The following SH3BP5 variants were observed in gnomAD, a reference collection of about 807,000 sequenced individuals.
SH3BP5 encodes SH3 domain-binding protein 5.
SH3BP5 carries 22 observed loss-of-function variants against 43.3 expected under a neutral mutation model. The ratio of observed to expected loss-of-function variants is 0.51; its 90% confidence interval spans 0.36 to 0.73. SH3BP5 has a LOEUF of 0.73. SH3BP5 is among the 30% of genes least tolerant of loss of function. The pLI is 0.00. For missense variants in SH3BP5, 529 were observed against 586.9 expected, an observed-to-expected ratio of 0.90 and a Z score of 1.02; for synonymous variants, 255 against 225.8, an observed-to-expected ratio of 1.13 and a Z score of -1.16.
intron 2 of SH3BP5, among the ~76,000 whole-genome samples, chr3:15,322,212 AAT>A (rs1698345890): frequency 2.0e-5 from 3 of 152,136 alleles, no homozygotes; most frequent in African/African-American, 7.2e-5. Flanking sequence ...CAAAAAAAAA[AAT>A]AATAACTATG....
At chr3:15,313,353 A>G (rs542606607) in intron 2 of SH3BP5, among the ~76,000 whole-genome samples, 3 of 152,360 alleles carry the variant, frequency 2.0e-5, no homozygotes, top group Admixed American at 6.5e-5. Context: ...TGATGGCGGC[A>G]GCAGCAGAAT....
chr3:15,296,368 A>C (rs1043828385), intron 3 of SH3BP5, among the ~76,000 whole-genome samples: 27 of 150,486 alleles, frequency 1.8e-4, no homozygotes, highest in East Asian at 1.2e-3. Flanking sequence ...ACACACACAC[A>C]CCCCTATCCA....
chr3:15,264,642 G>GAC (rs1438050547), intron 4 of SH3BP5: 1 of 152,126 alleles, frequency 6.6e-6, no homozygotes, highest in Non-Finnish European at 1.5e-5. Flanking sequence ...GGCACGAGGA[G>GAC]ACATGCTTGC....
chr3:15,341,001 G>A (rs375875381), intron 1 of SH3BP5, among the ~76,000 whole-genome samples: 4 of 152,216 alleles, frequency 2.6e-5, no homozygotes, highest in South Asian at 4.1e-4. Context: ...GTGATGAGCC[G>A]AGAGCACACC....
At chr3:15,267,298 A>G (rs958455268) in intron 4 of SH3BP5, among the ~76,000 whole-genome samples, 5 of 152,262 alleles carry the variant, frequency 3.3e-5, no homozygotes, top group Non-Finnish European at 7.3e-5. Context: ...TATGTTCTGC[A>G]TCATCCATTA....
intron 4 of SH3BP5, among the ~76,000 whole-genome samples, chr3:15,266,058 T>A (rs1249960639): frequency 6.6e-6 from 1 of 152,072 alleles, no homozygotes. Flanking sequence ...CTCTCCAATC[T>A]CCAGGGCCTT....
intron 3 of SH3BP5, among the ~76,000 whole-genome samples, chr3:15,290,213 C>T (rs1473723225): frequency 6.6e-6 from 1 of 151,698 alleles, no homozygotes; most frequent in Non-Finnish European, 1.5e-5. Context: ...GCCAACATGA[C>T]AAAACCCCGT....
intron 2 of SH3BP5, 58 bp downstream of exon 2, chr3:15,330,446 C>G: frequency 7.0e-7 from 1 of 1,427,946 alleles, no homozygotes; most frequent in Non-Finnish European, 9.9e-7. Context: ...AATTAACCAG[C>G]CTTGTGCCGG....
chr3:15,277,388 C>T (rs1446326647), intron 3 of SH3BP5, among the ~76,000 whole-genome samples: 1 of 152,174 alleles, frequency 6.6e-6, no homozygotes, highest in Non-Finnish European at 1.5e-5. Context: ...CAGTGGCCAC[C>T]GTCACACAGG....
chr3:15,272,559 A>AGATTCGATGATACCTCAGATCAAAT (rs1559432626), intron 3 of SH3BP5, among the ~76,000 whole-genome samples: 5 of 100,950 alleles, frequency 5.0e-5, no homozygotes, highest in African/African-American at 2.0e-4. Flanking sequence ...TGCCTGTAGG[A>AGATTCGATGATACCTCAGATCAAAT]TAAAGACATT....
At chr3:15,308,342 T>C (rs901808819) in intron 2 of SH3BP5, among the ~76,000 whole-genome samples, 2 of 152,350 alleles carry the variant, frequency 1.3e-5, no homozygotes, top group African/African-American at 4.8e-5. Flanking sequence ...GTAGGTGCTA[T>C]TGTTGTTATT....
At chr3:15,280,160 G>A (rs1211220864) in intron 3 of SH3BP5, among the ~76,000 whole-genome samples, 5 of 152,056 alleles carry the variant, frequency 3.3e-5, no homozygotes, top group East Asian at 3.9e-4. Context: ...GCAGGCCTCC[G>A]GGAACGACGC....
At position 15,322,948 on chromosome 3, in the gene SH3BP5, G is replaced by T. The variant is rs568250470; in HGVS notation, c.201+7556C>A. 7.4e-4 allele frequency among the ~76,000 whole-genome samples: 113 copies of T among 151,926 alleles called. 1 individual carries two copies. The South Asian group carries it at 8.5e-3, about 11-fold the overall frequency. On this transcript the variant is annotated intron_variant, in intron 2 of 8. Transcript: ENST00000383791. ...TTTGAGGTCAGGAGTTGACCAGCCT[G>T]ACCAACATGGCAAAACCCGGTCTCT...
At position 15,282,255 on chromosome 3, in the gene SH3BP5, T is replaced by C. The variant is rs181627047; in HGVS notation, c.331-12378A>G. 2.8e-3 allele frequency among the ~76,000 whole-genome samples: 422 copies of C among 152,322 alleles called. 4 individuals carry two copies. The highest frequency in any genetic ancestry group is 6.8e-3 in the Middle Eastern group (2 of 294). ...CCTCAGTTACAGTACTGAAAATACA[T>C]AATTATACATAATTACAGCAGGGAC... On this transcript the variant is annotated intron_variant, in intron 3 of 8. Transcript: ENST00000383791.
rs190346530 is a variant in SH3BP5 at position 15,290,483 on chromosome 3, G to A, written c.330+13620C>T. ...GGAGGTTGCAGTGAGCCGAGATTGCGCCACTGCACTACAGCCTGGGCAACA... is the reference window on the plus strand; with the variant it reads ...GGAGGTTGCAGTGAGCCGAGATTGCACCACTGCACTACAGCCTGGGCAACA... On this transcript the variant is annotated intron_variant, in intron 3 of 8. Coordinates refer to ENST00000383791, the MANE Select transcript of SH3BP5 (RefSeq NM_004844.5). Among the ~76,000 whole-genome samples the A allele has an allele frequency of 4.4e-3, 601 of 137,130 alleles. 5 individuals carry two copies. The highest frequency in any genetic ancestry group is 0.011 in the South Asian group (47 of 4,422). The allele number at this position is 137,130 out of a possible 152,430, so 90.0% of individuals were successfully genotyped here. A position where few individuals can be genotyped will look rare whatever the true frequency, so the allele number is the denominator to read the frequency against.
rs1318765546 is a variant in SH3BP5, at chr3:15,265,512, T to TCTCACTCACACA, written c.496-3224_496-3223insTGTGTGAGTGAG. Reference sequence around the variant, plus strand: ...GCCTGAGCTACAGGGCGAGACTCCGTCACACACACACACACACACACACAC... The same window carrying TCTCACTCACACA: ...GCCTGAGCTACAGGGCGAGACTCCGTCTCACTCACACACACACACACACACACACACACACAC... On this transcript the variant is annotated intron_variant, in intron 4 of 8. Coordinates refer to ENST00000383791, the MANE Select transcript of SH3BP5 (RefSeq NM_004844.5). Among the ~76,000 whole-genome samples, 137 of 107,988 alleles carry TCTCACTCACACA rather than the reference T, an allele frequency of 1.3e-3. 3 individuals carry two copies. The highest frequency in any genetic ancestry group is 5.0e-3 in the African/African-American group (120 of 24,118). 70.8% of individuals were successfully genotyped at this position (107,988 alleles called of 152,430 possible).
intron 6 of SH3BP5, chr3:15,259,269 TC>T: frequency 1.7e-6 from 1 of 595,280 alleles, no homozygotes; most frequent in South Asian, 2.0e-5. Flanking sequence ...ACCTCTAATA[TC>T]CAAAAACTCT....
At chr3:15,258,588 A>C (rs547593296) in intron 7 of SH3BP5, 100 of 544,686 alleles carry the variant, frequency 1.8e-4, no homozygotes, top group African/African-American at 1.8e-3. Context: ...TTTGACTCTC[A>C]AAGAGGAGTG....
At chr3:15,314,302 C>A (rs1698132302) in intron 2 of SH3BP5, among the ~76,000 whole-genome samples, 1 of 151,786 alleles carries the variant, frequency 6.6e-6, no homozygotes, top group South Asian at 2.1e-4. Context: ...ACAGGCCTAG[C>A]CCTAGATCCT....
Sources: gnomAD v4.1 joint callset for allele counts (sites outside exome capture counted in the v4.1 genomes callset) on GRCh38, gnomAD v4.1.1 for gene constraint, MANE v1.5 for transcripts, NCBI Gene and HGNC (gene_info 2026-07-23, HGNC 2026-07-21) for gene names.